WDR88: variants seen among roughly 807,000 people sequenced by gnomAD.
WDR88 encodes the protein WD repeat-containing protein 88.
Under a neutral mutation model 46.8 loss-of-function variants are expected in WDR88, and 40 were observed. That is an observed-to-expected ratio of 0.86 (90% confidence interval 0.66 to 1.11). The LOEUF (loss-of-function observed/expected upper bound fraction) is 1.11, where lower values mean the gene tolerates loss of function less well. WDR88 is among the 50% of genes most tolerant of loss of function. The pLI is 0.00. For synonymous variants in WDR88, 235 were observed against 240.7 expected, an observed-to-expected ratio of 0.98 and a Z score of 0.22; for missense variants, 562 against 602.4, an observed-to-expected ratio of 0.93 and a Z score of 0.70.
At chr19:33,138,231 TA>T (rs1315690153) in intron 2 of WDR88, among the ~76,000 whole-genome samples, 1 of 152,082 alleles carries the variant, frequency 6.6e-6, no homozygotes, top group Non-Finnish European at 1.5e-5. Context: ...TTGTGTTTTT[TA>T]GTAGAGATGG....
rs577477022 is a variant in WDR88, at chr19:33,175,663, A to C, written c.*91A>C. ...AGGGGCTTTCTCTTGGGCCCCTCCCAGGCTCAGCAGGCCTGTCAGACTGGG... is the reference window on the plus strand; with the variant it reads ...AGGGGCTTTCTCTTGGGCCCCTCCCCGGCTCAGCAGGCCTGTCAGACTGGG... On this transcript the variant is annotated 3_prime_UTR_variant, in exon 11 of 11. Coordinates refer to ENST00000355868, the MANE Select transcript of WDR88 (RefSeq NM_173479.4). The C allele has an allele frequency of 1.3e-6, 2 of 1,495,542 alleles. No homozygotes were observed. The highest frequency in any genetic ancestry group is 2.8e-5 in the African/African-American group (2 of 72,628). 92.6% of individuals were successfully genotyped at this position (1,495,542 alleles called of 1,614,324 possible). A position where few individuals can be genotyped will look rare whatever the true frequency, so the allele number is the denominator to read the frequency against.
At chr19:33,163,778 G>A (rs759014378) in intron 8 of WDR88, among the ~76,000 whole-genome samples, 13 of 151,544 alleles carry the variant, frequency 8.6e-5, no homozygotes, top group African/African-American at 1.5e-4. Flanking sequence ...GATTACAGGC[G>A]CATGCCACCA....
At chr19:33,132,828 A>G (rs1973158536) in intron 1 of WDR88, among the ~76,000 whole-genome samples, 2 of 152,234 alleles carry the variant, frequency 1.3e-5, no homozygotes, top group African/African-American at 4.8e-5. Flanking sequence ...AGATACAGTT[A>G]GCGTCAGAAG....
chr19:33,133,198 T>TAAATAAATAAATAAAGAG (rs1555723214), intron 1 of WDR88, among the ~76,000 whole-genome samples: 2 of 79,722 alleles, frequency 2.5e-5, no homozygotes, highest in African/African-American at 6.5e-5. Context: ...TAAATAAATA[T>TAAATAAATAAATAAAGAG]AGAGAGAGAG....
intron 2 of WDR88, among the ~76,000 whole-genome samples, chr19:33,143,290 G>A (rs1973438330): frequency 1.5e-5 from 2 of 136,264 alleles, no homozygotes; most frequent in Admixed American, 8.2e-5. Flanking sequence ...AGCCATAATT[G>A]CACCACTGCA....
Position 33,148,837 on chromosome 19 carries a change from C to A in WDR88, c.606C>A (p.Val202=). Residue 202 remains valine, a synonymous_variant, in exon 5 of 11, where the codon GTC becomes GTA. Coordinates refer to ENST00000355868, the MANE Select transcript of WDR88 (RefSeq NM_173479.4). The stretch of plus-strand genomic sequence containing the variant: ...TTTCTCCTGATGGTAAATACGTGGT[C>A]TCAGGCTTCGACGTGGATCATGGAA... ...CKFSPDGKYV[V]SGFDVDHGIC... 6.2e-7 allele frequency: 1 copy of A among 1,614,168 alleles called. No individual in the cohort carries two copies. The highest frequency in any genetic ancestry group is 8.5e-7 in the Non-Finnish European group (1 of 1,180,040).
Position 33,151,054 on chromosome 19 carries a change from G to A in WDR88, c.680-127G>A, listed in dbSNP as rs1002964846. 5 of 1,090,442 alleles carry A rather than the reference G, an allele frequency of 4.6e-6. No individual in the cohort carries two copies. The African/African-American group carries it at 7.9e-5, about 17-fold the overall frequency. The allele number at this position is 1,090,442 out of a possible 1,614,324, so 67.5% of individuals were successfully genotyped here. A position where few individuals can be genotyped will look rare whatever the true frequency, so the allele number is the denominator to read the frequency against. On this transcript the variant is annotated intron_variant, in intron 5 of 10. Coordinates refer to ENST00000355868, the MANE Select transcript of WDR88 (RefSeq NM_173479.4). Reference sequence around the variant, plus strand: ...TAGTCACTCAGGAATGTTTGTGCAGGTGTGTAGCTCCTGATGAAAACTGGA... The same window carrying A: ...TAGTCACTCAGGAATGTTTGTGCAGATGTGTAGCTCCTGATGAAAACTGGA...
chr19:33,154,555 A>G (rs1360970398), intron 6 of WDR88, among the ~76,000 whole-genome samples: 1 of 152,194 alleles, frequency 6.6e-6, no homozygotes, highest in Non-Finnish European at 1.5e-5. Context: ...TCATGGCTGC[A>G]TAGTATTCCA....
intron 9 of WDR88, among the ~76,000 whole-genome samples, chr19:33,166,434 TA>T (rs977487631): frequency 6.6e-6 from 1 of 151,066 alleles, no homozygotes; most frequent in African/African-American, 2.4e-5. Context: ...TATAAAAAAT[TA>T]GCCAAGCATA....
At chr19:33,164,163 TC>T in intron 8 of WDR88, 33 bp from the exon 9 acceptor site, 1 of 1,595,286 alleles carries the variant, frequency 6.3e-7, no homozygotes, top group Non-Finnish European at 8.6e-7. Context: ...AATTATTTTC[TC>T]CACGTTTTCA....
chr19:33,132,532 A>T, intron 1 of WDR88, 87 bp downstream of exon 1: 1 of 1,541,184 alleles, frequency 6.5e-7, no homozygotes, highest in East Asian at 2.3e-5. Flanking sequence ...CCCATGGAAA[A>T]CCCACCTGGC....
chr19:33,139,108 G>C (rs1301232240), intron 2 of WDR88, among the ~76,000 whole-genome samples: 1 of 152,210 alleles, frequency 6.6e-6, no homozygotes. Flanking sequence ...CCAGGTCTGT[G>C]TGGTCACAGA....
At chr19:33,152,021 CA>C (rs1291584665) in intron 6 of WDR88, among the ~76,000 whole-genome samples, 1 of 152,000 alleles carries the variant, frequency 6.6e-6, no homozygotes, top group Admixed American at 6.6e-5. Context: ...CACCTGAGGT[CA>C]GGAGTTCGAG....
chr19:33,159,429 C>T (rs778123811), intron 7 of WDR88, among the ~76,000 whole-genome samples: 9 of 151,998 alleles, frequency 5.9e-5, no homozygotes, highest in Non-Finnish European at 1.2e-4. Flanking sequence ...TGCTGTTTGC[C>T]GTTCCTAAGC....
At chr19:33,154,514 G>A (rs538205132) in intron 6 of WDR88, among the ~76,000 whole-genome samples, 38 of 152,226 alleles carry the variant, frequency 2.5e-4, no homozygotes, top group African/African-American at 8.2e-4. Flanking sequence ...TGAGGATGAT[G>A]TCCCTGCAAA....
chr19:33,168,635 C>T (rs1423501547), intron 9 of WDR88, among the ~76,000 whole-genome samples: 1 of 152,182 alleles, frequency 6.6e-6, no homozygotes, highest in Non-Finnish European at 1.5e-5. Flanking sequence ...AATGGAAAGA[C>T]ATCCTATATT....
chr19:33,167,604 A>G (rs1973973396), intron 9 of WDR88, among the ~76,000 whole-genome samples: 1 of 152,096 alleles, frequency 6.6e-6, no homozygotes, highest in Admixed American at 6.6e-5. Context: ...AAGGCATCCA[A>G]ATTGAAAAGG....
chr19:33,141,190 G>A (rs1973383707), intron 2 of WDR88, among the ~76,000 whole-genome samples: 1 of 145,846 alleles, frequency 6.9e-6, no homozygotes, highest in African/African-American at 2.6e-5. Flanking sequence ...TCCTGCCTCA[G>A]CCTCCAAAAG....
chr19:33,169,870 A>ATTTAT (rs563057265), intron 9 of WDR88, among the ~76,000 whole-genome samples: 9 of 152,060 alleles, frequency 5.9e-5, no homozygotes, highest in South Asian at 2.1e-4. Context: ...TGCATTATTT[A>ATTTAT]TTTATTTTAT....
Sources: gnomAD v4.1 joint callset for allele counts (sites outside exome capture counted in the v4.1 genomes callset) on GRCh38, gnomAD v4.1.1 for gene constraint, MANE v1.5 for transcripts, NCBI Gene and HGNC (gene_info 2026-07-23, HGNC 2026-07-21) for gene names.